The following CTNNA3 variants were observed in gnomAD, a reference collection of about 807,000 sequenced individuals.
CTNNA3 encodes catenin alpha-3.
CTNNA3 carries 76 observed loss-of-function variants against 95.7 expected under a neutral mutation model. That is an observed-to-expected ratio of 0.79 (90% CI 0.66 to 0.96). The LOEUF (loss-of-function observed/expected upper bound fraction) is 0.96, where lower values mean the gene tolerates loss of function less well. Among genes scored for constraint, CTNNA3 ranks in the 40% least tolerant of loss-of-function variants. The pLI is 0.00. For missense variants in CTNNA3, 1,191 were observed against 1,089.8 expected (o/e 1.09, Z -1.31); for synonymous variants, 431 against 374.4 (o/e 1.15, Z -1.74).
chr10:67,478,910 T>C (rs987496608), intron 5 of CTNNA3, among the ~76,000 whole-genome samples: 2 of 148,874 alleles, frequency 1.3e-5, no homozygotes, highest in Admixed American at 1.3e-4. Flanking sequence ...TACCAAGTAA[T>C]GAGTTGGGAA....
chr10:67,324,662 C>T (rs1481898001), intron 5 of CTNNA3, among the ~76,000 whole-genome samples: 1 of 150,622 alleles, frequency 6.6e-6, no homozygotes, highest in Non-Finnish European at 1.5e-5. Context: ...AGGATTTTTG[C>T]ATCAATGTTC....
At chr10:67,084,021 C>T (rs1013149083) in intron 7 of CTNNA3, among the ~76,000 whole-genome samples, 17 of 152,084 alleles carry the variant, frequency 1.1e-4, no homozygotes, top group African/African-American at 4.1e-4. Flanking sequence ...GGAAGAGGTT[C>T]GTTGCTTTGC....
intron 10 of CTNNA3, among the ~76,000 whole-genome samples, chr10:66,592,870 T>C (rs571105779): frequency 2.0e-5 from 3 of 152,044 alleles, no homozygotes; most frequent in African/African-American, 7.2e-5. Flanking sequence ...TTCATGGAGG[T>C]AGGAGGTAAG....
At chr10:66,509,783 T>C (rs947482530) in intron 11 of CTNNA3, among the ~76,000 whole-genome samples, 2 of 151,952 alleles carry the variant, frequency 1.3e-5, no homozygotes, top group African/African-American at 4.8e-5. Context: ...TTACTGTGTA[T>C]TATATTTTGA....
At chr10:67,662,783 T>G (rs1589548064) in intron 1 of CTNNA3, among the ~76,000 whole-genome samples, 1 of 152,132 alleles carries the variant, frequency 6.6e-6, no homozygotes, top group Non-Finnish European at 1.5e-5. Context: ...GCGGTGATGG[T>G]TCTATAACTG....
At chr10:66,611,811 C>A (rs1036635112) in intron 10 of CTNNA3, among the ~76,000 whole-genome samples, 2 of 152,036 alleles carry the variant, frequency 1.3e-5, no homozygotes. Context: ...GTTCCTCTTC[C>A]TTTTCTCTCC....
chr10:66,830,286 T>C (rs1842669051), intron 7 of CTNNA3, among the ~76,000 whole-genome samples: 1 of 152,192 alleles, frequency 6.6e-6, no homozygotes, highest in Non-Finnish European at 1.5e-5. Context: ...TTGTTGAATC[T>C]AGAATTTAAA....
chr10:67,720,206 G>C (rs1226207292), intron 1 of CTNNA3, among the ~76,000 whole-genome samples: 1 of 136,536 alleles, frequency 7.3e-6, no homozygotes, highest in Non-Finnish European at 1.5e-5. Flanking sequence ...GAGCCTATGT[G>C]TGTCTTTGCA....
intron 6 of CTNNA3, among the ~76,000 whole-genome samples, chr10:67,214,015 C>A (rs1403987645): frequency 6.6e-6 from 1 of 151,670 alleles, no homozygotes; most frequent in Admixed American, 6.6e-5. Context: ...TATCTTGATT[C>A]TTAAGTGTTA....
At chr10:66,380,959 C>CT (rs1236640545) in intron 11 of CTNNA3, among the ~76,000 whole-genome samples, 1 of 151,798 alleles carries the variant, frequency 6.6e-6, no homozygotes, top group African/African-American at 2.4e-5. Context: ...TAATGGGAGA[C>CT]TTTAACACCC....
intron 5 of CTNNA3, among the ~76,000 whole-genome samples, chr10:67,324,303 C>T (rs1165107709): frequency 6.6e-6 from 1 of 152,062 alleles, no homozygotes; most frequent in Non-Finnish European, 1.5e-5. Flanking sequence ...TTGTCTTGTG[C>T]TGGTTTTCAA....
At chr10:67,023,379 C>G (rs549871454) in intron 7 of CTNNA3, among the ~76,000 whole-genome samples, 16 of 152,066 alleles carry the variant, frequency 1.1e-4, no homozygotes, top group Non-Finnish European at 2.1e-4. Context: ...AAGTCAAGAA[C>G]TTCAGGAAAG....
At chr10:67,639,595 CA>C (rs201177960) in intron 2 of CTNNA3, among the ~76,000 whole-genome samples, 5,930 of 151,888 alleles carry the variant, frequency 0.039, 115 homozygotes, top group Middle Eastern at 0.078. Context: ...AACATCGATG[CA>C]AAAATCCTCA....
intron 5 of CTNNA3, among the ~76,000 whole-genome samples, chr10:67,392,912 G>T (rs377492904): frequency 6.6e-6 from 1 of 152,094 alleles, no homozygotes; most frequent in Non-Finnish European, 1.5e-5. Context: ...GTTGTGGGGT[G>T]GGGGGAAGCA....
At position 67,236,231 on chromosome 10, in the gene CTNNA3, A is replaced by C. The variant is rs560336403; in HGVS notation, c.580-16361T>G. On this transcript the variant is annotated intron_variant, in intron 5 of 17. Transcript: ENST00000433211. ...GCACAGGTATGTTTATTGCGGCATT[A>C]TTCACAATAGCAAAGACTTGGAACC... is the stretch of plus-strand genomic sequence containing the variant. 2.5e-4 allele frequency among the ~76,000 whole-genome samples: 37 copies of C among 150,962 alleles called. No homozygotes were observed. The South Asian group carries it at 6.6e-3, about 27-fold the overall frequency.
intron 7 of CTNNA3, among the ~76,000 whole-genome samples, chr10:66,824,731 A>G (rs1228463843): frequency 6.6e-6 from 1 of 152,120 alleles, no homozygotes; most frequent in Admixed American, 6.6e-5. Context: ...CCTAACCAGT[A>G]CTCTTCAAAA....
At chr10:67,756,262 A>G (rs1328821222) in intron 1 of CTNNA3, among the ~76,000 whole-genome samples, 4 of 152,184 alleles carry the variant, frequency 2.6e-5, no homozygotes, top group Admixed American at 6.5e-5. Context: ...TTTTAGATAA[A>G]TCAGTAGGGT....
At chr10:66,035,015 A>G (rs2079532785) in intron 15 of CTNNA3, among the ~76,000 whole-genome samples, 1 of 152,160 alleles carries the variant, frequency 6.6e-6, no homozygotes, top group Non-Finnish European at 1.5e-5. Flanking sequence ...TCCACATTTG[A>G]CCAGCGTGCA....
At position 66,697,649 on chromosome 10, in the gene CTNNA3, A is replaced by G. The variant is rs576482003; in HGVS notation, c.1281+68615T>C. Among the ~76,000 whole-genome samples, 279 of 152,234 alleles carry G rather than the reference A, an allele frequency of 1.8e-3. 3 individuals carry two copies. The highest frequency in any genetic ancestry group is 6.4e-3 in the African/African-American group (267 of 41,536). ...TGATCACAAGCTTTAAAAATGCTCA[A>G]TGTGCTCGTCTATGAATTTCAAAAT... On this transcript the variant is annotated intron_variant, in intron 9 of 17. Coordinates refer to ENST00000433211, the MANE Select transcript of CTNNA3 (RefSeq NM_013266.4).
Sources: gnomAD v4.1 joint callset for allele counts (sites outside exome capture counted in the v4.1 genomes callset) on GRCh38, gnomAD v4.1.1 for gene constraint, MANE v1.5 for transcripts, NCBI Gene and HGNC (gene_info 2026-07-23, HGNC 2026-07-21) for gene names.